The following ANAPC4 variants were observed in gnomAD, a reference collection of about 807,000 sequenced individuals.
ANAPC4 encodes anaphase-promoting complex subunit 4.
In ANAPC4, 63 loss-of-function variants were observed where a neutral mutation model predicts 119.8. The observed-to-expected ratio is 0.53, with a 90% CI of 0.43 to 0.65. ANAPC4 has a LOEUF of 0.65. ANAPC4 is among the 30% of genes least tolerant of loss of function. ANAPC4 has a pLI of 0.00. For missense variants in ANAPC4, 716 were observed against 945.1 expected, an observed-to-expected ratio of 0.76 and a Z score of 3.18; for synonymous variants, 283 against 318.6, an observed-to-expected ratio of 0.89 and a Z score of 1.19.
At chr4:25,390,290 A>G in intron 8 of ANAPC4, 70 bp downstream of exon 8, 2 of 1,128,166 alleles carry the variant, frequency 1.8e-6, no homozygotes, top group Non-Finnish European at 1.3e-6. Context: ...TTATGGAAAA[A>G]GAATAAAACA....
At chr4:25,403,065 T>C (rs1319317380) in intron 17 of ANAPC4, 39 bp downstream of exon 17, 6 of 1,454,782 alleles carry the variant, frequency 4.1e-6, no homozygotes, top group Non-Finnish European at 5.7e-6. Flanking sequence ...TTTAACACTT[T>C]AAAAAAATTA....
intron 17 of ANAPC4, among the ~76,000 whole-genome samples, chr4:25,404,935 G>T (rs766204230): frequency 4.6e-4 from 70 of 151,876 alleles, no homozygotes; most frequent in Non-Finnish European, 9.1e-4. Flanking sequence ...AAACAGTTAT[G>T]TATTTGCAAA....
At chr4:25,384,610 C>T (rs918392745) in intron 4 of ANAPC4, among the ~76,000 whole-genome samples, 13 of 152,100 alleles carry the variant, frequency 8.5e-5, no homozygotes, top group African/African-American at 9.7e-5. Context: ...GGCAGGAGCT[C>T]AGGAGTTCAA....
chr4:25,416,390 C>A, intron 26 of ANAPC4, 35 bp from the exon 27 acceptor site: 1 of 1,370,866 alleles, frequency 7.3e-7, no homozygotes, highest in South Asian at 1.9e-5. Flanking sequence ...TAGTCACGAT[C>A]ATCTTTGATA....
At position 25,415,449 on chromosome 4, in the gene ANAPC4, C is replaced by A; in HGVS notation, c.1827-17C>A. The A allele has an allele frequency of 6.3e-7, 1 of 1,598,564 alleles. No homozygotes were observed. The highest frequency in any genetic ancestry group is 1.7e-5 in the Admixed American group (1 of 58,090). On this transcript the variant is annotated splice_polypyrimidine_tract_variant and intron_variant, in intron 25 of 28. Coordinates refer to ENST00000315368, the MANE Select transcript of ANAPC4 (RefSeq NM_013367.3). ...TTGTTCCACAGAGTCTCTTTTTTTC[C>A]CCCTTCTTTCTTGAAGATCTGTGAG...
rs778183412 is a variant in ANAPC4 at position 25,414,524 on chromosome 4, C to A, written c.1724+20C>A. 4 of 1,590,640 alleles carry A rather than the reference C, an allele frequency of 2.5e-6. No individual in the cohort carries two copies. The South Asian group carries it at 3.4e-5, about 13-fold the overall frequency. On this transcript the variant is annotated intron_variant, in intron 24 of 28. Transcript: ENST00000315368. ...TTTTCTGTAAGTATATATTTCTTCC[C>A]TATCTTGAGTGAACAATACAATTTT...
chr4:25,395,988 G>A (rs1474421526), intron 14 of ANAPC4, among the ~76,000 whole-genome samples: 10 of 152,202 alleles, frequency 6.6e-5, no homozygotes, highest in East Asian at 3.9e-4. Flanking sequence ...TCTCTGCCTC[G>A]CCCACACTGA....
chr4:25,405,584 AT>A lies in ANAPC4; in HGVS notation c.1283del (p.Met428ArgfsTer10). Reference protein sequence around the residue: ...FRWLYVAMLRMTEDHVLPELN... With the variant: ...FRWLYVAMLRXTEDHVLPELN... ...CTTTGTATTTCCAGCAATGTTGAGAATGACAGAAGACCATGTGCTTCCCGAG... is the reference window on the plus strand; with the variant it reads ...CTTTGTATTTCCAGCAATGTTGAGAAGACAGAAGACCATGTGCTTCCCGAG... On this transcript the variant is annotated frameshift_variant, in exon 18 of 29. Transcript: ENST00000315368. LOFTEE classifies it high-confidence loss of function. The surrounding 1 kb of genome is among the most constrained non-coding windows in gnomAD (Gnocchi z 4.6). 1 of 1,613,600 alleles carries A rather than the reference AT, an allele frequency of 6.2e-7. No individual in the cohort carries two copies. The highest frequency in any genetic ancestry group is 8.5e-7 in the Non-Finnish European group (1 of 1,179,646).
At chr4:25,394,961 CCTT>C in intron 14 of ANAPC4, 56 bp downstream of exon 14, 3 of 1,342,698 alleles carry the variant, frequency 2.2e-6, no homozygotes, top group South Asian at 1.3e-5. Context: ...CTGGCGTTGG[CCTT>C]CTTTCCGCCG....
At chr4:25,378,009 C>A (rs968623048) in intron 2 of ANAPC4, among the ~76,000 whole-genome samples, 4 of 152,210 alleles carry the variant, frequency 2.6e-5, no homozygotes, top group African/African-American at 9.6e-5. Context: ...AATGTGCCTG[C>A]ATGTAGCTGC....
chr4:25,409,590 A>G, intron 20 of ANAPC4, 108 bp from the exon 21 acceptor site: 1 of 739,786 alleles, frequency 1.4e-6, no homozygotes. Flanking sequence ...TTAGGCCCTA[A>G]GTCTTTGATT....
intron 21 of ANAPC4, among the ~76,000 whole-genome samples, chr4:25,411,372 A>G (rs557298770): frequency 1.1e-4 from 17 of 151,936 alleles, no homozygotes; most frequent in African/African-American, 4.1e-4. Context: ...CCCACATCTT[A>G]CGTGTTTGAA....
chr4:25,390,866 C>G (rs753573064), intron 8 of ANAPC4, 45 bp from the exon 9 acceptor site: 1 of 1,450,094 alleles, frequency 6.9e-7, no homozygotes, highest in Non-Finnish European at 9.6e-7. Context: ...CAGCTTCAAC[C>G]TAGCAGTGAT....
chr4:25,385,318 T>A (rs1427664143), intron 4 of ANAPC4, among the ~76,000 whole-genome samples: 1 of 152,196 alleles, frequency 6.6e-6, no homozygotes, highest in Non-Finnish European at 1.5e-5. Flanking sequence ...TATGTTTTAA[T>A]AAATAAATAG....
Position 25,416,959 on chromosome 4 carries a change from C to T in ANAPC4, c.2075+361C>T, listed in dbSNP as rs1055558641. ...TATTTTCCTTCCAGAATTAAGACCT[C>T]AGTACCCATGTAGGAAGTATACTGT... On this transcript the variant is annotated intron_variant, in intron 27 of 28. Transcript: ENST00000315368. The T allele has an allele frequency of 3.1e-5, 5 of 160,074 alleles. No individual in the cohort carries two copies. The East Asian group carries it at 7.2e-4, about 23-fold the overall frequency. 9.9% of individuals were successfully genotyped at this position (160,074 alleles called of 1,614,324 possible).
At position 25,415,547 on chromosome 4, in the gene ANAPC4, C is replaced by G. The variant is rs1723816988; in HGVS notation, c.1901+7C>G. ...CAGAAAAAGTCAGAAGAAGGTAAGT[C>G]TTGAATCTTGTTTGGATGAAATGTA... On this transcript the variant is annotated splice_region_variant and intron_variant, in intron 26 of 28. Coordinates refer to ENST00000315368, the MANE Select transcript of ANAPC4 (RefSeq NM_013367.3). The G allele has an allele frequency of 6.2e-7, 1 of 1,609,540 alleles. No homozygotes were observed.
intron 20 of ANAPC4, 41 bp from the exon 21 acceptor site, chr4:25,409,657 C>T: frequency 7.0e-7 from 1 of 1,433,290 alleles, no homozygotes; most frequent in Non-Finnish European, 9.6e-7. Flanking sequence ...TTTTCCCTTC[C>T]AGGTATGAAT....
intron 4 of ANAPC4, among the ~76,000 whole-genome samples, chr4:25,387,937 C>CT (rs1560431872): frequency 2.0e-5 from 3 of 151,760 alleles, no homozygotes; most frequent in Non-Finnish European, 4.4e-5. Context: ...CCAGTCTGGG[C>CT]AACATAGTGA....
intron 21 of ANAPC4, 149 bp from the exon 22 acceptor site, chr4:25,413,496 A>T: frequency 8.4e-5 from 44 of 524,906 alleles, no homozygotes; most frequent in East Asian, 9.8e-5. Context: ...GTTTTTAATG[A>T]GGTTGTGTGA....
Sources: gnomAD v4.1 joint callset for allele counts (sites outside exome capture counted in the v4.1 genomes callset) on GRCh38, gnomAD v4.1.1 for gene constraint, Gnocchi (gnomAD v3.1) non-coding constraint, MANE v1.5 for transcripts, NCBI Gene and HGNC (gene_info 2026-07-23, HGNC 2026-07-21) for gene names.